The following PTPN23 variants were observed in gnomAD, a reference collection of about 807,000 sequenced individuals.
PTPN23 encodes the protein protein tyrosine phosphatase non-receptor type 23.
A neutral mutation model predicts 156.3 loss-of-function variants in PTPN23; 72 were observed. The observed-to-expected ratio is 0.46, with a 90% CI of 0.38 to 0.56. The LOEUF (loss-of-function observed/expected upper bound fraction) is 0.56, where lower values mean the gene tolerates loss of function less well. PTPN23 is among the 20% of genes least tolerant of loss of function. PTPN23 has a pLI of 0.00. For missense variants in PTPN23, 1,974 were observed against 2,171.5 expected (o/e 0.91, Z 1.81); for synonymous variants, 957 against 899.6 (o/e 1.06, Z -1.14).
Position 47,406,012 on chromosome 3 carries a change from G to T in PTPN23, c.512G>T (p.Arg171Leu), listed in dbSNP as rs780215762. ...FPQAYSVDMS[R>L]QILTLNVNLM... is the part of the protein sequence containing the mutation. ...CAAGCCTACAGCGTCGACATGAGCCGCCAGATCCTTACGCTCAACGTCAAC... is the reference window on the plus strand; with the variant it reads ...CAAGCCTACAGCGTCGACATGAGCCTCCAGATCCTTACGCTCAACGTCAAC... Residue 171 changes from arginine (R) to leucine (L), a missense_variant, in exon 6 of 25, where the codon CGC (arginine) becomes CTC (leucine). Arg to Leu is a moderately radical substitution (Grantham distance 102). Around this residue, in one of 4 missense-constraint regions of PTPN23, gnomAD observed 726 missense variants for 929.5 expected, o/e 0.78. Transcript: ENST00000265562. This position sits in a 1 kb window ranked among gnomAD's most constrained non-coding sequence, Gnocchi z 5.8. The T allele has an allele frequency of 6.2e-7, 1 of 1,613,384 alleles. No homozygotes were observed. The highest frequency in any genetic ancestry group is 8.5e-7 in the Non-Finnish European group (1 of 1,179,814).
intron 1 of PTPN23, among the ~76,000 whole-genome samples, chr3:47,384,455 CAAAAAAAA>C (rs56896052): frequency 6.4e-5 from 5 of 78,478 alleles, no homozygotes; most frequent in Non-Finnish European, 9.3e-5. Context: ...GAGACTGTCT[CAAAAAAAA>C]AAAAAAAAAA....
At chr3:47,389,696 C>T (rs1186522749) in intron 1 of PTPN23, among the ~76,000 whole-genome samples, 1 of 152,042 alleles carries the variant, frequency 6.6e-6, no homozygotes, top group African/African-American at 2.4e-5. Flanking sequence ...AACAATTAGC[C>T]AGGCGTGGTG....
chr3:47,384,798 C>T (rs1328390113), intron 1 of PTPN23, among the ~76,000 whole-genome samples: 11 of 150,778 alleles, frequency 7.3e-5, no homozygotes, highest in South Asian at 2.1e-4. Flanking sequence ...GTTTTGCTTT[C>T]GTTGCCCAGG....
At position 47,408,844 on chromosome 3, in the gene PTPN23, G is replaced by A. The variant is rs1358819814; in HGVS notation, c.1399G>A (p.Glu467Lys). The change falls in exon 16 of 25, where the codon GAG becomes AAG. Residue 467 changes from glutamate (E) to lysine (K), a missense_variant. Physicochemically the swap from Glu to Lys is moderately conservative, Grantham distance 56. Coordinates refer to ENST00000265562, the MANE Select transcript of PTPN23 (RefSeq NM_015466.4). Reference protein sequence around the residue: ...KDIRDLLEEDELLEQKFQEAV... With the variant: ...KDIRDLLEEDKLLEQKFQEAV... Reference sequence around the variant, plus strand: ...CATCAGAGATCTGTTGGAGGAGGATGAGCTGCTAGAGCAGAAGTTTCAGGA... The same window carrying A: ...CATCAGAGATCTGTTGGAGGAGGATAAGCTGCTAGAGCAGAAGTTTCAGGA... 4 of 1,613,948 alleles carry A rather than the reference G, an allele frequency of 2.5e-6. No homozygotes were observed. The highest frequency in any genetic ancestry group is 1.3e-5 in the African/African-American group (1 of 74,950).
Position 47,406,320 on chromosome 3 carries a change from CCCAGGG to C in PTPN23, c.548_553del (p.Gly183_Gln184del). ...CGAGGGAGTGCACCTCACGTGTCGC[CCCAGGG>C]CCAGGCTCAGGAGTGCCTCCTGGAG... On this transcript the variant is annotated splice_acceptor_variant and splice_polypyrimidine_tract_variant and coding_sequence_variant and intron_variant, in exon 7 of 25. Coordinates refer to ENST00000265562, the MANE Select transcript of PTPN23 (RefSeq NM_015466.4). LOFTEE classifies it high-confidence loss of function. This position sits in a 1 kb window ranked among gnomAD's most constrained non-coding sequence, Gnocchi z 5.8. The C allele has an allele frequency of 6.2e-7, 1 of 1,613,454 alleles. No individual in the cohort carries two copies. Among genetic ancestry groups the C allele is most frequent in the Non-Finnish European group, 8.5e-7 (1 of 1,179,992 alleles).
Position 47,411,996 on chromosome 3 carries a change from G to GGGGTCT in PTPN23, c.4073+30_4073+35dup. On this transcript the variant is annotated intron_variant, in intron 21 of 24. Transcript: ENST00000265562. The surrounding 1 kb of genome is among the most constrained non-coding windows in gnomAD (Gnocchi z 6.3). ...AGTCCACTGCTCTGGATGGTGGTTG[G>GGGGTCT]GGGTCTAAGTGCTGTCCAGTCCTTG... The GGGGTCT allele has an allele frequency of 6.2e-7, 1 of 1,606,262 alleles. No individual in the cohort carries two copies. The highest frequency in any genetic ancestry group is 1.7e-5 in the Admixed American group (1 of 59,692).
chr3:47,384,664 C>T (rs1214521026), intron 1 of PTPN23, among the ~76,000 whole-genome samples: 1 of 151,932 alleles, frequency 6.6e-6, no homozygotes, highest in Non-Finnish European at 1.5e-5. Context: ...TCCCAGTAGA[C>T]AAGCCTTCCA....
intron 1 of PTPN23, among the ~76,000 whole-genome samples, chr3:47,391,358 C>T (rs1399559085): frequency 6.6e-6 from 1 of 152,196 alleles, no homozygotes; most frequent in Non-Finnish European, 1.5e-5. Flanking sequence ...AGTCATATCC[C>T]CATCAGTTAT....
At chr3:47,387,570 C>A (rs375706970) in intron 1 of PTPN23, among the ~76,000 whole-genome samples, 3 of 135,578 alleles carry the variant, frequency 2.2e-5, no homozygotes, top group African/African-American at 8.4e-5. Flanking sequence ...GACCCTGTCT[C>A]AAAAAAAAAA....
chr3:47,388,753 C>T (rs1011116966), intron 1 of PTPN23, among the ~76,000 whole-genome samples: 1 of 151,670 alleles, frequency 6.6e-6, no homozygotes, highest in African/African-American at 2.4e-5. Context: ...CAACCTCCGC[C>T]TCCCGTGTTC....
rs766870799 is a variant in PTPN23, at chr3:47,411,901, T to C, written c.4007T>C (p.Leu1336Pro). 6.2e-7 allele frequency: 1 copy of C among 1,613,420 alleles called. No individual in the cohort carries two copies. The highest frequency in any genetic ancestry group is 8.5e-7 in the Non-Finnish European group (1 of 1,180,016). ...ACCCATGTGGAGCGCGTGCTGAGCC[T>C]GCAGTTCCGAGACCAGAGCCTCAAG... ...TETHVERVLS[L>P]QFRDQSLKRS... Residue 1336 changes from leucine (L) to proline (P), a missense_variant, in exon 21 of 25, where the codon CTG becomes CCG. Physicochemically the swap from Leu to Pro is moderately conservative, Grantham distance 98. Transcript: ENST00000265562. This position sits in a 1 kb window ranked among gnomAD's most constrained non-coding sequence, Gnocchi z 6.3.
At chr3:47,386,545 T>G (rs373612294) in intron 1 of PTPN23, among the ~76,000 whole-genome samples, 2 of 152,320 alleles carry the variant, frequency 1.3e-5, no homozygotes, top group East Asian at 3.9e-4. Flanking sequence ...TTCAGGCTTA[T>G]GGAATTTTTT....
intron 1 of PTPN23, among the ~76,000 whole-genome samples, chr3:47,381,546 C>T (rs1704538708): frequency 6.6e-6 from 1 of 152,162 alleles, no homozygotes; most frequent in African/African-American, 2.4e-5. Context: ...GTGGGCGGCC[C>T]TGACCGTGCG....
chr3:47,402,659 T>C lies in PTPN23; in HGVS notation c.160-1993T>C, dbSNP rs143810851. On this transcript the variant is annotated intron_variant, in intron 2 of 24. Transcript: ENST00000265562. ...GATAATCACGGTTAACATTATGGTGTACAGTCTTCTGAATTTTCTTTTTGT... is the reference window on the plus strand; with the variant it reads ...GATAATCACGGTTAACATTATGGTGCACAGTCTTCTGAATTTTCTTTTTGT... Among the ~76,000 whole-genome samples, 65 of 152,308 alleles carry C rather than the reference T, an allele frequency of 4.3e-4. No individual in the cohort carries two copies. In the East Asian group the frequency reaches 0.012, roughly 27 times the overall value.
rs1171643826 is a variant in PTPN23, at chr3:47,412,331, G to A, written c.4227G>A (p.Val1409=). ...CCTTTGCACTGCTCTATGCAGCTGT[G>A]CAGGAGGTGGAGGCTGGGAACGGAA... The part of the protein sequence containing the change: ...TGAFALLYAA[V]QEVEAGNGIP... Residue 1409 remains valine (V), a synonymous_variant, in exon 23 of 25, where the codon GTG becomes GTA. Coordinates refer to ENST00000265562, the MANE Select transcript of PTPN23 (RefSeq NM_015466.4). 3 of 1,613,438 alleles carry A rather than the reference G, an allele frequency of 1.9e-6. No homozygotes were observed. Among genetic ancestry groups the A allele is most frequent in the South Asian group, 1.1e-5 (1 of 91,088 alleles).
At chr3:47,403,736 C>T (rs1191513833) in intron 2 of PTPN23, among the ~76,000 whole-genome samples, 1 of 152,002 alleles carries the variant, frequency 6.6e-6, no homozygotes, top group Non-Finnish European at 1.5e-5. Flanking sequence ...GCTACATTGC[C>T]CAGACTGGTA....
intron 1 of PTPN23, among the ~76,000 whole-genome samples, chr3:47,388,379 A>AT (rs934406002): frequency 5.3e-5 from 8 of 150,498 alleles, no homozygotes; most frequent in African/African-American, 9.8e-5. Flanking sequence ...AATTTTGCTT[A>AT]TTTTTTTTTA....
intron 1 of PTPN23, among the ~76,000 whole-genome samples, chr3:47,392,980 T>G (rs1485740249): frequency 6.6e-6 from 1 of 152,092 alleles, no homozygotes; most frequent in African/African-American, 2.4e-5. Flanking sequence ...ACTACAGATG[T>G]GCGCTGCACC....
chr3:47,393,981 C>T (rs893463283), intron 1 of PTPN23, among the ~76,000 whole-genome samples: 1 of 151,190 alleles, frequency 6.6e-6, no homozygotes, highest in Non-Finnish European at 1.5e-5. Flanking sequence ...CTGGGCTCAA[C>T]AGTCCTCTGA....
Sources: gnomAD v4.1 joint callset for allele counts (sites outside exome capture counted in the v4.1 genomes callset) on GRCh38, gnomAD v4.1.1 for gene constraint, gnomAD v4.1.1 regional missense constraint, Gnocchi (gnomAD v3.1) non-coding constraint, MANE v1.5 for transcripts, NCBI Gene and HGNC (gene_info 2026-07-23, HGNC 2026-07-21) for gene names.